Variants in ITSN1 observed in about 807,000 individuals in gnomAD.
ITSN1 encodes the protein intersectin 1, also known as intersectin-1.
A neutral mutation model predicts 239.8 loss-of-function variants in ITSN1; 58 were observed. The observed-to-expected ratio is 0.24, with a 90% CI of 0.20 to 0.30. The LOEUF is 0.30. ITSN1 is among the 10% of genes least tolerant of loss of function. ITSN1 has a pLI of 1.00. For synonymous variants in ITSN1, 780 were observed against 770.8 expected (o/e 1.01, Z -0.20); for missense variants, 1,558 against 2,103.3 (o/e 0.74, Z 5.07).
intron 1 of ITSN1, among the ~76,000 whole-genome samples, chr21:33,681,050 C>T (rs1392037155): frequency 6.6e-6 from 1 of 152,188 alleles, no homozygotes; most frequent in Non-Finnish European, 1.5e-5. Context: ...TGGCATGTGC[C>T]ATTTCAACTC....
chr21:33,865,452 C>G lies in ITSN1; in HGVS notation c.4074+118C>G. ...TGTTCCCACTAGAGGCCAACAGGGC[C>G]TAGGGTCTTGGCTAAGCCTTAGGGG... is the stretch of plus-strand genomic sequence containing the variant. On this transcript the variant is annotated intron_variant, in intron 32 of 39. Coordinates refer to ENST00000381318, the MANE Select transcript of ITSN1 (RefSeq NM_003024.3). This position sits in a 1 kb window ranked among gnomAD's most constrained non-coding sequence, Gnocchi z 4.4. 1.2e-6 allele frequency: 1 copy of G among 836,890 alleles called. No individual in the cohort carries two copies. The highest frequency in any genetic ancestry group is 1.8e-6 in the Non-Finnish European group (1 of 558,546). 51.8% of individuals were successfully genotyped at this position (836,890 alleles called of 1,614,324 possible). A position where few individuals can be genotyped will look rare whatever the true frequency, so the allele number is the denominator to read the frequency against.
intron 1 of ITSN1, among the ~76,000 whole-genome samples, chr21:33,651,026 T>C (rs1601426806): frequency 6.6e-6 from 1 of 152,374 alleles, no homozygotes; most frequent in East Asian, 1.9e-4. Context: ...GCAGGGAGTG[T>C]ATCGCTGTTG....
intron 1 of ITSN1, among the ~76,000 whole-genome samples, chr21:33,649,724 TAAC>T (rs1045319859): frequency 6.6e-6 from 1 of 151,976 alleles, no homozygotes; most frequent in African/African-American, 2.4e-5. Flanking sequence ...AATGTGAAAA[TAAC>T]AATGTCTGGC....
chr21:33,796,898 A>G (rs568901916), intron 17 of ITSN1, among the ~76,000 whole-genome samples: 10 of 152,212 alleles, frequency 6.6e-5, no homozygotes, highest in Non-Finnish European at 1.2e-4. Flanking sequence ...ACAATTATCT[A>G]TTTGTGGTAG....
At chr21:33,878,616 CTCCACGGCCCCATCTCCTG>C (rs1984400429) in intron 34 of ITSN1, among the ~76,000 whole-genome samples, 1 of 152,218 alleles carries the variant, frequency 6.6e-6, no homozygotes, top group Admixed American at 6.5e-5. Flanking sequence ...TGACTGGTTC[CTCCACGGCCCCATCTCCTG>C]TCCACCTTCA....
At chr21:33,848,968 T>C (rs2075070830) in intron 29 of ITSN1, among the ~76,000 whole-genome samples, 1 of 152,236 alleles carries the variant, frequency 6.6e-6, no homozygotes, top group South Asian at 2.1e-4. Context: ...TGGCCGAGTG[T>C]GGTGGCTCAC....
intron 1 of ITSN1, among the ~76,000 whole-genome samples, chr21:33,694,769 A>G (rs2091719652): frequency 1.3e-5 from 2 of 152,258 alleles, no homozygotes; most frequent in South Asian, 4.1e-4. Context: ...CAGTGAGCCG[A>G]TATCACACCA....
chr21:33,803,374 A>G (rs1357919592), intron 20 of ITSN1, among the ~76,000 whole-genome samples: 1 of 152,224 alleles, frequency 6.6e-6, no homozygotes, highest in Admixed American at 6.5e-5. Context: ...ATATGTGTGT[A>G]CATGGATGTT....
At chr21:33,868,483 G>A (rs1434219153) in intron 33 of ITSN1, among the ~76,000 whole-genome samples, 1 of 152,216 alleles carries the variant, frequency 6.6e-6, no homozygotes, top group African/African-American at 2.4e-5. Context: ...GCTAAGGCCC[G>A]CTGAGAAATC....
In ITSN1 at chr21:33,892,935, C is replaced by T. The variant is rs1482088523; in HGVS notation, c.*4635C>T. The stretch of plus-strand genomic sequence containing the variant: ...GCTGCCATTCACGGGGCAGCTCCCT[C>T]TAGCTCTTCTGCCCAGTGACCTTAC... On this transcript the variant is annotated 3_prime_UTR_variant, in exon 40 of 40. Coordinates refer to ENST00000381318, the MANE Select transcript of ITSN1 (RefSeq NM_003024.3). 6.6e-6 allele frequency: 1 copy of T among 152,234 alleles called. No individual in the cohort carries two copies. The highest frequency in any genetic ancestry group is 2.4e-5 in the African/African-American group (1 of 41,462). The allele number at this position is 152,234 out of a possible 1,614,324, so 9.4% of individuals were successfully genotyped here.
chr21:33,884,672 G>C (rs1176227263), intron 36 of ITSN1, among the ~76,000 whole-genome samples: 1 of 152,176 alleles, frequency 6.6e-6, no homozygotes, highest in Non-Finnish European at 1.5e-5. Context: ...TTCTTTCTTT[G>C]CGTGATTTCA....
intron 8 of ITSN1, among the ~76,000 whole-genome samples, chr21:33,760,292 T>A (rs1405156431): frequency 1.3e-5 from 2 of 152,088 alleles, no homozygotes; most frequent in Non-Finnish European, 2.9e-5. Flanking sequence ...GCTACCTTGG[T>A]GGTAGCTGAG....
intron 31 of ITSN1, among the ~76,000 whole-genome samples, chr21:33,860,726 G>C (rs1980353609): frequency 6.6e-6 from 1 of 152,132 alleles, no homozygotes; most frequent in Admixed American, 6.6e-5. Flanking sequence ...ATGATGCCTA[G>C]GTCCCGGAAT....
rs1420378455 is a variant in ITSN1 at position 33,818,250 on chromosome 21, A to G, written c.2728-17A>G. 6 of 1,610,736 alleles carry G rather than the reference A, an allele frequency of 3.7e-6. No homozygotes were observed. Among genetic ancestry groups the G allele is most frequent in the East Asian group, 2.2e-5 (1 of 44,858 alleles). ...AGCGCAACATAACGAGAGGTCCTTT[A>G]TGTTATTCCACACAAGGGTGAAAAG... On this transcript the variant is annotated splice_polypyrimidine_tract_variant and intron_variant, in intron 22 of 39. Coordinates refer to ENST00000381318, the MANE Select transcript of ITSN1 (RefSeq NM_003024.3).
rs552514739 is a variant in ITSN1, at chr21:33,797,900, G to A, written c.2182+292G>A. On this transcript the variant is annotated intron_variant, in intron 18 of 39. Coordinates refer to ENST00000381318, the MANE Select transcript of ITSN1 (RefSeq NM_003024.3). The surrounding 1 kb of genome is among the most constrained non-coding windows in gnomAD (Gnocchi z 4.9). ...GGTCTTATATGCTGCAAAAGAACCT[G>A]CTGTTTCTCTGGTTTGTTATTTCCC... Among the ~76,000 whole-genome samples the A allele has an allele frequency of 2.0e-5, 3 of 152,240 alleles. No homozygotes were observed. The East Asian group carries it at 5.8e-4, about 29-fold the overall frequency.
intron 1 of ITSN1, among the ~76,000 whole-genome samples, chr21:33,647,772 A>G (rs1202217853): frequency 6.6e-6 from 1 of 152,236 alleles, no homozygotes; most frequent in East Asian, 1.9e-4. Flanking sequence ...CTGGGATCAC[A>G]GGCGTGAGCC....
At chr21:33,721,094 G>A in intron 2 of ITSN1, 84 bp from the exon 3 acceptor site, 2 of 838,286 alleles carry the variant, frequency 2.4e-6, no homozygotes, top group Non-Finnish European at 4.1e-6. Context: ...ACAGAATCTT[G>A]AAGTGCTGTG....
intron 20 of ITSN1, among the ~76,000 whole-genome samples, chr21:33,805,521 A>G (rs917837694): frequency 4.6e-5 from 7 of 152,162 alleles, no homozygotes; most frequent in Admixed American, 1.3e-4. Flanking sequence ...ATCTGGCCCA[A>G]TCACTGCCTG....
At chr21:33,810,894 C>T in intron 20 of ITSN1, 81 bp from the exon 21 acceptor site, 1 of 1,504,332 alleles carries the variant, frequency 6.6e-7, no homozygotes, top group Non-Finnish European at 9.3e-7. Context: ...AGGGCAGAGG[C>T]TTGGGACTTC....
Sources: gnomAD v4.1 joint callset for allele counts (sites outside exome capture counted in the v4.1 genomes callset) on GRCh38, gnomAD v4.1.1 for gene constraint, Gnocchi (gnomAD v3.1) non-coding constraint, MANE v1.5 for transcripts, NCBI Gene and HGNC (gene_info 2026-07-23, HGNC 2026-07-21) for gene names.